Variants in THSD7B observed in about 807,000 individuals in gnomAD.
The protein encoded by THSD7B is thrombospondin type-1 domain-containing protein 7B.
In THSD7B, 138 loss-of-function variants were observed where a neutral mutation model predicts 213.6. The ratio of observed to expected loss-of-function variants is 0.65; its 90% CI spans 0.56 to 0.74. THSD7B has a LOEUF of 0.74. Among genes scored for constraint, THSD7B ranks in the 30% least tolerant of loss-of-function variants. The probability of loss-of-function intolerance (pLI) is 0.00; values close to 1 mark genes in which losing one functional copy is unlikely to be tolerated. For missense variants in THSD7B, 1,931 were observed against 1,991.5 expected (o/e 0.97, Z 0.58); for synonymous variants, 742 against 687.0 (o/e 1.08, Z -1.25).
At chr2:137,380,774 A>T (rs1685756896) in intron 12 of THSD7B, among the ~76,000 whole-genome samples, 1 of 152,238 alleles carries the variant, frequency 6.6e-6, no homozygotes, top group Admixed American at 6.5e-5. Flanking sequence ...GTCCAGCATG[A>T]CTCAGTGAAT....
intron 2 of THSD7B, among the ~76,000 whole-genome samples, chr2:136,949,389 A>C (rs1239644582): frequency 6.6e-6 from 1 of 152,192 alleles, no homozygotes. Context: ...CTCACTAGGA[A>C]TGATGTAAAA....
intron 2 of THSD7B, among the ~76,000 whole-genome samples, chr2:136,903,925 GGTGTGTGTGTGT>G (rs775988420): frequency 2.8e-5 from 3 of 108,724 alleles, no homozygotes; most frequent in African/African-American, 1.0e-4. Context: ...CTTCCTGTGA[GGTGTGTGTGTGT>G]GTGTGTGTGT....
chr2:136,927,761 G>A (rs1684564600), intron 2 of THSD7B, among the ~76,000 whole-genome samples: 1 of 152,232 alleles, frequency 6.6e-6, no homozygotes, highest in South Asian at 2.1e-4. Context: ...GGCACAGCTA[G>A]TGCTTAGGAG....
chr2:137,061,263 G>A (rs2104881317), intron 3 of THSD7B, among the ~76,000 whole-genome samples: 1 of 150,136 alleles, frequency 6.7e-6, no homozygotes, highest in African/African-American at 2.5e-5. Context: ...GATTTTTTGA[G>A]ATTACTTACA....
At chr2:137,603,177 A>G (rs1283701747) in intron 17 of THSD7B, among the ~76,000 whole-genome samples, 1 of 152,206 alleles carries the variant, frequency 6.6e-6, no homozygotes, top group African/African-American at 2.4e-5. Context: ...CAATATGGAC[A>G]CCACCACTTT....
rs1553451023 is a variant in THSD7B at position 136,825,718 on chromosome 2, A to ATTTTTTTTTTTTTGTTTTTT, written c.-35-56413_-35-56412insGTTTTTTTTTTTTTTTTTTT. 1.5e-3 allele frequency among the ~76,000 whole-genome samples: 180 copies of ATTTTTTTTTTTTTGTTTTTT among 116,882 alleles called. 4 individuals carry two copies. The highest frequency in any genetic ancestry group is 5.9e-3 in the African/African-American group (176 of 29,884). 76.7% of individuals were successfully genotyped at this position (116,882 alleles called of 152,430 possible). ...AGGTGCTCACTGCCATGCCTGGCTA[A>ATTTTTTTTTTTTTGTTTTTT]TTTTTTTTTTTTTTTTAGATCTGGG... On this transcript the variant is annotated intron_variant, in intron 1 of 27. Transcript: ENST00000409968.
intron 4 of THSD7B, 146 bp downstream of exon 4, chr2:137,095,267 G>T: frequency 8.6e-7 from 1 of 1,164,888 alleles, no homozygotes. Flanking sequence ...ATAGGAGAGC[G>T]GGTTAAGATC....
In THSD7B at chr2:137,141,153, A is replaced by G. The variant is rs139107126; in HGVS notation, c.1370-19060A>G. Among the ~76,000 whole-genome samples the G allele has an allele frequency of 7.3e-3, 1,113 of 152,242 alleles. 8 individuals carry two copies. The highest frequency in any genetic ancestry group is 0.023 in the South Asian group (112 of 4,824). ...GGAGTCTGAGAGCTGGTCCCTTACC[A>G]GGGCCAGATGATTCTGAGATGTATT... is the stretch of plus-strand genomic sequence containing the variant. On this transcript the variant is annotated intron_variant, in intron 5 of 27. Coordinates refer to ENST00000409968, the MANE Select transcript of THSD7B (RefSeq NM_001316349.2).
chr2:137,378,922 A>G (rs565243409), intron 12 of THSD7B, among the ~76,000 whole-genome samples: 1 of 152,146 alleles, frequency 6.6e-6, no homozygotes, highest in Non-Finnish European at 1.5e-5. Context: ...TATTCTTTAT[A>G]TCTAATTTAT....
chr2:137,241,071 GGTCCATTACTTATTTC>G (rs1681888030), intron 9 of THSD7B, among the ~76,000 whole-genome samples: 1 of 148,078 alleles, frequency 6.8e-6, no homozygotes, highest in African/African-American at 2.4e-5. Flanking sequence ...TGAAGCTTTG[GGTCCATTACTTATTTC>G]AACATCTCAG....
chr2:137,117,274 C>T (rs1266745388), intron 5 of THSD7B, among the ~76,000 whole-genome samples: 1 of 152,108 alleles, frequency 6.6e-6, no homozygotes, highest in Non-Finnish European at 1.5e-5. Context: ...TGTACCTTGA[C>T]AAATCTGGAA....
chr2:137,450,909 T>A lies in THSD7B; in HGVS notation c.3024T>A (p.Ser1008Arg). 1.2e-6 allele frequency: 2 copies of A among 1,613,600 alleles called. No individual in the cohort carries two copies. Among genetic ancestry groups the A allele is most frequent in the Non-Finnish European group, 1.7e-6 (2 of 1,179,678 alleles). ...PFDCKLSDWSSWGSCSSSCGI... is the reference protein window; with the variant it reads ...PFDCKLSDWSRWGSCSSSCGI... ...ATTGCAAGTTAAGCGATTGGTCTAG[T>A]TGGGGGTCTTGCAGTTCATCTTGTG... The change falls in exon 15 of 28, where the codon AGT becomes AGA. Residue 1008 changes from serine to arginine, a missense_variant. Coordinates refer to ENST00000409968, the MANE Select transcript of THSD7B (RefSeq NM_001316349.2).
chr2:137,392,518 C>T (rs943484928), intron 12 of THSD7B, among the ~76,000 whole-genome samples: 8 of 152,140 alleles, frequency 5.3e-5, no homozygotes, highest in African/African-American at 1.4e-4. Flanking sequence ...TTTGTCTTTT[C>T]ATAAACTGTT....
Position 137,546,455 on chromosome 2 carries a change from TTATATATAA to T in THSD7B, c.3139-16757_3139-16749del, listed in dbSNP as rs1558834482. On this transcript the variant is annotated intron_variant, in intron 15 of 27. Transcript: ENST00000409968. Reference sequence around the variant, plus strand: ...ATATATTATATATATTATATATATATTATATATAATATATATATATATAATATATATATA... The same window carrying T: ...ATATATTATATATATTATATATATATTATATATATATATAATATATATATA... Among the ~76,000 whole-genome samples the T allele has an allele frequency of 1.0e-4, 2 of 19,708 alleles. 1 individual carries two copies. The highest frequency in any genetic ancestry group is 1.5e-4 in the Non-Finnish European group (2 of 13,054). 12.9% of individuals were successfully genotyped at this position (19,708 alleles called of 152,430 possible).
intron 12 of THSD7B, among the ~76,000 whole-genome samples, chr2:137,366,506 G>A (rs1685411629): frequency 6.6e-6 from 1 of 151,884 alleles, no homozygotes; most frequent in African/African-American, 2.4e-5. Context: ...GAATATCTGT[G>A]GACAAAATAT....
At chr2:136,840,513 C>T (rs1280424769) in intron 1 of THSD7B, among the ~76,000 whole-genome samples, 1 of 152,124 alleles carries the variant, frequency 6.6e-6, no homozygotes, top group Non-Finnish European at 1.5e-5. Context: ...AGGAGCAGCA[C>T]AAGCAAAGGC....
At chr2:137,533,037 ATAT>A (rs1385503647) in intron 15 of THSD7B, among the ~76,000 whole-genome samples, 1 of 150,962 alleles carries the variant, frequency 6.6e-6, no homozygotes, top group Admixed American at 6.6e-5. Context: ...GTAATAGGTA[ATAT>A]TATTTATATA....
chr2:137,643,450 A>G (rs1243080267), intron 21 of THSD7B, among the ~76,000 whole-genome samples: 1 of 152,236 alleles, frequency 6.6e-6, no homozygotes, highest in Non-Finnish European at 1.5e-5. Context: ...CAAAAGTTAA[A>G]TGCCTATGTA....
intron 4 of THSD7B, among the ~76,000 whole-genome samples, chr2:137,108,542 G>A (rs963120318): frequency 6.6e-6 from 1 of 152,128 alleles, no homozygotes; most frequent in African/African-American, 2.4e-5. Flanking sequence ...CCAGCCACTT[G>A]AGTTGTTTAA....
Sources: allele counts gnomAD v4.1 joint callset (sites outside exome capture counted in the v4.1 genomes callset), GRCh38; gene constraint gnomAD v4.1.1; transcripts MANE v1.5; gene names NCBI Gene and HGNC (gene_info 2026-07-23, HGNC 2026-07-21).